BCAR3: variants seen among roughly 807,000 people sequenced by gnomAD.
The protein encoded by BCAR3 is breast cancer anti-estrogen resistance protein 3.
A neutral mutation model predicts 80.1 loss-of-function variants in BCAR3; 37 were observed. The ratio of observed to expected loss-of-function variants is 0.46; its 90% CI spans 0.36 to 0.61. The LOEUF is 0.61. BCAR3 is among the 20% of genes least tolerant of loss of function. BCAR3 has a pLI of 0.00. For missense variants in BCAR3, 978 were observed against 1,068.2 expected (o/e 0.92, Z 1.18); for synonymous variants, 389 against 418.9 (o/e 0.93, Z 0.87).
At chr1:93,827,067 G>A (rs559311135) in intron 2 of BCAR3, among the ~76,000 whole-genome samples, 2 of 152,252 alleles carry the variant, frequency 1.3e-5, no homozygotes, top group East Asian at 3.9e-4. Flanking sequence ...GTATTATGGA[G>A]CCCCTCAGAG....
At chr1:93,689,531 CAA>C (rs59833848) in intron 3 of BCAR3, among the ~76,000 whole-genome samples, 1,902 of 115,912 alleles carry the variant, frequency 0.016, 46 homozygotes, top group African/African-American at 0.049. Flanking sequence ...AACTACATCT[CAA>C]AAAAAAAAAA....
intron 2 of BCAR3, among the ~76,000 whole-genome samples, chr1:93,707,113 T>C (rs1200670520): frequency 6.6e-6 from 1 of 151,836 alleles, no homozygotes; most frequent in Non-Finnish European, 1.5e-5. Flanking sequence ...AGGCAGAGTT[T>C]GCAGTGAGCT....
intron 2 of BCAR3, among the ~76,000 whole-genome samples, chr1:93,709,026 A>G (rs1057067412): frequency 2.6e-5 from 4 of 152,198 alleles, no homozygotes; most frequent in African/African-American, 4.8e-5. Context: ...GAAGAGGCCA[A>G]TTAAAAAAAA....
chr1:93,820,656 C>T (rs1237996053), intron 2 of BCAR3, among the ~76,000 whole-genome samples: 1 of 152,168 alleles, frequency 6.6e-6, no homozygotes, highest in Non-Finnish European at 1.5e-5. Flanking sequence ...TGTTCACCAA[C>T]CTGGAAGCTC....
At chr1:93,642,251 T>A (rs1676003674) in intron 3 of BCAR3, 53 bp downstream of exon 3, 3 of 1,574,718 alleles carry the variant, frequency 1.9e-6, no homozygotes, top group African/African-American at 2.7e-5. Context: ...GTGTTCCAAA[T>A]GGGAAATCTA....
chr1:93,798,938 G>T (rs1359419430), intron 2 of BCAR3, among the ~76,000 whole-genome samples: 1 of 152,174 alleles, frequency 6.6e-6, no homozygotes, highest in African/African-American at 2.4e-5. Flanking sequence ...GTGAGATTAA[G>T]AGTATTACAG....
At chr1:93,598,208 C>T (rs1674499996) in intron 3 of BCAR3, among the ~76,000 whole-genome samples, 1 of 152,148 alleles carries the variant, frequency 6.6e-6, no homozygotes, top group Admixed American at 6.5e-5. Context: ...TCAGGCACAA[C>T]AATGGACCCT....
Position 93,567,393 on chromosome 1 carries a change from T to C in BCAR3, c.2185A>G (p.Met729Val), listed in dbSNP as rs377698383. ...RQAVTFEGTD[M>V]WEKNDQSCEI... Reference sequence around the variant, plus strand: ...CAGCTCTGGTCGTTTTTTTCCCACATGTCGGTTCCTTCAAAAGTCACAGCC... The same window carrying C: ...CAGCTCTGGTCGTTTTTTTCCCACACGTCGGTTCCTTCAAAAGTCACAGCC... Residue 729 changes from methionine (M) to valine (V), a missense_variant, in exon 11 of 12, where the codon ATG becomes GTG. Coordinates refer to ENST00000260502, the MANE Select transcript of BCAR3 (RefSeq NM_003567.4). The C allele has an allele frequency of 1.2e-5, 19 of 1,570,102 alleles. No individual in the cohort carries two copies. Among genetic ancestry groups the C allele is most frequent in the Non-Finnish European group, 1.6e-5 (19 of 1,152,818 alleles).
At chr1:93,765,491 A>C (rs74104105) in intron 2 of BCAR3, among the ~76,000 whole-genome samples, 2 of 152,024 alleles carry the variant, frequency 1.3e-5, no homozygotes, top group Admixed American at 6.5e-5. Context: ...CAGGTAGAAA[A>C]CTGGACATAG....
chr1:93,687,465 G>A (rs936345961), intron 3 of BCAR3, among the ~76,000 whole-genome samples: 1 of 152,018 alleles, frequency 6.6e-6, no homozygotes, highest in Non-Finnish European at 1.5e-5. Context: ...GCGCCACAAT[G>A]CCAGGCTAAT....
chr1:93,632,297 G>C lies in BCAR3; in HGVS notation c.357+10007C>G, dbSNP rs190384130. On this transcript the variant is annotated intron_variant, in intron 3 of 11. Coordinates refer to ENST00000260502, the MANE Select transcript of BCAR3 (RefSeq NM_003567.4). ...GTCAGAAAACTCTGTAAAAGGTTCT[G>C]TTAGGCTTTTGAGGCCATAGTGTCA... 2.0e-4 allele frequency among the ~76,000 whole-genome samples: 30 copies of C among 152,324 alleles called. No homozygotes were observed. The East Asian group carries it at 3.9e-3, about 20-fold the overall frequency.
chr1:93,720,466 C>T (rs994816096), intron 2 of BCAR3, among the ~76,000 whole-genome samples: 12 of 152,146 alleles, frequency 7.9e-5, no homozygotes, highest in African/African-American at 2.7e-4. Context: ...CAGGGGCCTG[C>T]AGGAGCATTC....
At chr1:93,765,823 T>C (rs146693612) in intron 2 of BCAR3, among the ~76,000 whole-genome samples, 17,692 of 151,774 alleles carry the variant, frequency 0.12, 1,425 homozygotes, top group African/African-American at 0.22. Flanking sequence ...CCCACCACCA[T>C]GCCCGGCTAA....
intron 2 of BCAR3, among the ~76,000 whole-genome samples, chr1:93,806,590 T>C (rs184646687): frequency 1.2e-4 from 19 of 152,328 alleles, no homozygotes; most frequent in Admixed American, 1.2e-3. Flanking sequence ...TTTAAGACAA[T>C]TGTGTTTCCT....
chr1:93,805,160 GC>G (rs1459243144), intron 2 of BCAR3, among the ~76,000 whole-genome samples: 1 of 152,148 alleles, frequency 6.6e-6, no homozygotes, highest in Non-Finnish European at 1.5e-5. Flanking sequence ...GAATCTTCTA[GC>G]TCAGGAATTA....
intron 2 of BCAR3, among the ~76,000 whole-genome samples, chr1:93,782,805 T>C (rs1652809386): frequency 6.6e-6 from 1 of 152,214 alleles, no homozygotes; most frequent in Admixed American, 6.5e-5. Context: ...AGTATACGAT[T>C]GATGGATTTA....
chr1:93,634,981 C>G (rs1316747040), intron 3 of BCAR3, among the ~76,000 whole-genome samples: 2 of 152,152 alleles, frequency 1.3e-5, no homozygotes, highest in Non-Finnish European at 2.9e-5. Flanking sequence ...CACATGTAAT[C>G]CCAGCACTTT....
Position 93,592,528 on chromosome 1 carries a change from G to A in BCAR3, c.358-135C>T, listed in dbSNP as rs1396718058. ...ATTCAGGTAGGGGAGCCTGGATAAT[G>A]ATTACAAAGAGCTGTGACCTTTCGT... On this transcript the variant is annotated intron_variant, in intron 3 of 11. Transcript: ENST00000260502. The surrounding 1 kb of genome is among the most constrained non-coding windows in gnomAD (Gnocchi z 4.8). 4.1e-6 allele frequency: 5 copies of A among 1,224,984 alleles called. No individual in the cohort carries two copies. The African/African-American group carries it at 4.6e-5, about 11-fold the overall frequency. The allele number at this position is 1,224,984 out of a possible 1,614,324, so 75.9% of individuals were successfully genotyped here.
intron 3 of BCAR3, among the ~76,000 whole-genome samples, chr1:93,635,334 T>G (rs1204052402): frequency 6.6e-6 from 1 of 150,726 alleles, no homozygotes; most frequent in Admixed American, 6.6e-5. Flanking sequence ...CCAGTTTTTG[T>G]TTTTGTCAAT....
Sources: gnomAD v4.1 joint callset for allele counts (sites outside exome capture counted in the v4.1 genomes callset) on GRCh38, gnomAD v4.1.1 for gene constraint, Gnocchi (gnomAD v3.1) non-coding constraint, MANE v1.5 for transcripts, NCBI Gene and HGNC (gene_info 2026-07-23, HGNC 2026-07-21) for gene names.